TIAM1: variants seen among roughly 807,000 people sequenced by gnomAD.
The protein encoded by TIAM1 is TIAM Rac1 associated GEF 1.
A neutral mutation model predicts 163.5 loss-of-function variants in TIAM1; 65 were observed. That is an observed-to-expected ratio of 0.40 (90% CI 0.33 to 0.49). The LOEUF (loss-of-function observed/expected upper bound fraction) is 0.49. Among genes scored for constraint, TIAM1 ranks in the 20% least tolerant of loss-of-function variants. TIAM1 has a pLI of 0.77. For missense variants in TIAM1, 1,789 were observed against 2,044.7 expected (o/e 0.87, Z 2.41); for synonymous variants, 833 against 810.1 (o/e 1.03, Z -0.48).
At chr21:31,451,874 C>T (rs1035520919) in intron 2 of TIAM1, among the ~76,000 whole-genome samples, 24 of 151,796 alleles carry the variant, frequency 1.6e-4, no homozygotes, top group African/African-American at 5.1e-4. Context: ...GAGAGTACTT[C>T]GTAAGTGCAA....
chr21:31,519,492 G>C (rs969404348), intron 1 of TIAM1, among the ~76,000 whole-genome samples: 59 of 126,034 alleles, frequency 4.7e-4, no homozygotes, highest in Non-Finnish European at 4.9e-4. Context: ...CTGAGCCACA[G>C]AGCGAGATTC....
chr21:31,407,292 T>C (rs1344010429), intron 2 of TIAM1, among the ~76,000 whole-genome samples: 1 of 152,210 alleles, frequency 6.6e-6, no homozygotes, highest in Non-Finnish European at 1.5e-5. Context: ...CGATTCCTCT[T>C]GGCACCTCCA....
intron 2 of TIAM1, among the ~76,000 whole-genome samples, chr21:31,385,820 A>C (rs959747543): frequency 1.8e-4 from 26 of 147,488 alleles, no homozygotes; most frequent in African/African-American, 6.1e-4. Context: ...TTTAAAATTA[A>C]AATGTTTAAT....
chr21:31,420,369 A>G (rs1387563976), intron 2 of TIAM1, among the ~76,000 whole-genome samples: 1 of 152,242 alleles, frequency 6.6e-6, no homozygotes, highest in East Asian at 1.9e-4. Context: ...TCCTCTGGAC[A>G]TCAGTGAACA....
intron 2 of TIAM1, among the ~76,000 whole-genome samples, chr21:31,309,009 G>A (rs2074822956): frequency 6.9e-6 from 1 of 144,418 alleles, no homozygotes; most frequent in Non-Finnish European, 1.5e-5. Context: ...TCACCATTCT[G>A]GGCCTTACAA....
At chr21:31,516,641 C>T (rs1391426883) in intron 1 of TIAM1, among the ~76,000 whole-genome samples, 1 of 148,766 alleles carries the variant, frequency 6.7e-6, no homozygotes, top group Non-Finnish European at 1.5e-5. Context: ...ACTCAACACA[C>T]TATTGGTGCT....
At chr21:31,384,005 T>C (rs2076824042) in intron 2 of TIAM1, among the ~76,000 whole-genome samples, 2 of 152,076 alleles carry the variant, frequency 1.3e-5, no homozygotes, top group Admixed American at 1.3e-4. Flanking sequence ...TCATATGCAA[T>C]CGAGCACCTC....
chr21:31,226,959 T>TG (rs1284468219), intron 6 of TIAM1, among the ~76,000 whole-genome samples: 3 of 147,852 alleles, frequency 2.0e-5, no homozygotes, highest in African/African-American at 7.5e-5. Flanking sequence ...TGTGTTTTTT[T>TG]TTTTTTTTTT....
At chr21:31,491,907 T>G (rs2046480729) in intron 1 of TIAM1, among the ~76,000 whole-genome samples, 1 of 152,228 alleles carries the variant, frequency 6.6e-6, no homozygotes, top group Admixed American at 6.5e-5. Context: ...GGACTCTCCA[T>G]GCTTAGGAAA....
chr21:31,241,335 G>A (rs1390388743), intron 6 of TIAM1, among the ~76,000 whole-genome samples: 1 of 152,134 alleles, frequency 6.6e-6, no homozygotes, highest in East Asian at 1.9e-4. Flanking sequence ...GGTGAAAGCA[G>A]AGATGAAGGC....
intron 2 of TIAM1, among the ~76,000 whole-genome samples, chr21:31,447,966 T>G (rs1005675539): frequency 1.3e-5 from 2 of 152,038 alleles, no homozygotes; most frequent in African/African-American, 4.8e-5. Flanking sequence ...ATGTCCTAGC[T>G]CCAAAGAAAG....
intron 3 of TIAM1, among the ~76,000 whole-genome samples, chr21:31,275,826 T>C (rs1376147754): frequency 6.6e-6 from 1 of 152,150 alleles, no homozygotes; most frequent in Non-Finnish European, 1.5e-5. Flanking sequence ...GAAAGCAAGG[T>C]TTCTCTGTCG....
chr21:31,486,586 T>G (rs2046280385), intron 1 of TIAM1, among the ~76,000 whole-genome samples: 1 of 152,240 alleles, frequency 6.6e-6, no homozygotes, highest in South Asian at 2.1e-4. Context: ...TACATTCATC[T>G]GCTCCTCAGT....
chr21:31,501,528 G>A (rs2147447767), intron 1 of TIAM1, among the ~76,000 whole-genome samples: 1 of 152,260 alleles, frequency 6.6e-6, no homozygotes, highest in African/African-American at 2.4e-5. Flanking sequence ...TCTACCTGTT[G>A]TTCTCTCAAG....
At chr21:31,152,971 T>G in intron 18 of TIAM1, 95 bp downstream of exon 18, 1 of 1,339,818 alleles carries the variant, frequency 7.5e-7, no homozygotes, top group South Asian at 1.3e-5. Flanking sequence ...AAATTTAAAA[T>G]GTTTTCAGTG....
chr21:31,475,409 T>A (rs913874538), intron 1 of TIAM1, among the ~76,000 whole-genome samples: 1 of 152,190 alleles, frequency 6.6e-6, no homozygotes, highest in African/African-American at 2.4e-5. Flanking sequence ...AAACTCGTCC[T>A]CTTCATCAGC....
chr21:31,213,010 G>A, intron 10 of TIAM1: 1 of 175,572 alleles, frequency 5.7e-6, no homozygotes, highest in Admixed American at 5.7e-5. Flanking sequence ...ACTAATGGGA[G>A]CAAAACAGCA....
intron 1 of TIAM1, among the ~76,000 whole-genome samples, chr21:31,525,971 T>C (rs1412356825): frequency 7.4e-5 from 11 of 149,050 alleles, no homozygotes; most frequent in African/African-American, 2.7e-4. Flanking sequence ...GAGGCAGAGG[T>C]TGCAGTGAGC....
At chr21:31,165,099 A>T in intron 15 of TIAM1, 34 bp from the exon 16 acceptor site, 5 of 1,606,822 alleles carry the variant, frequency 3.1e-6, no homozygotes, top group Non-Finnish European at 4.3e-6. Context: ...ATGTGGGTCA[A>T]CATGGACAGT....
Sources: allele counts gnomAD v4.1 joint callset (sites outside exome capture counted in the v4.1 genomes callset), GRCh38; gene constraint gnomAD v4.1.1; transcripts MANE v1.5; gene names NCBI Gene and HGNC (gene_info 2026-07-23, HGNC 2026-07-21).